Variants in ZFHX3 observed in about 807,000 individuals in gnomAD.
ZFHX3 encodes zinc finger homeobox protein 3.
ZFHX3 carries 42 observed loss-of-function variants against 279.1 expected under a neutral mutation model. The ratio of observed to expected loss-of-function variants is 0.15; its 90% CI spans 0.12 to 0.19. ZFHX3 has a LOEUF of 0.19. ZFHX3 is among the 10% of genes least tolerant of loss of function. The pLI is 1.00. For synonymous variants in ZFHX3, 2,293 were observed against 1,957.8 expected (o/e 1.17, Z -4.52); for missense variants, 4,981 against 4,754.0 (o/e 1.05, Z -1.40).
chr16:73,460,399 G>T (rs892731622), intron 2 of ZFHX3, among the ~76,000 whole-genome samples: 1 of 151,948 alleles, frequency 6.6e-6, no homozygotes, highest in Admixed American at 6.6e-5. Flanking sequence ...TTCTAGTTTG[G>T]GGCTATTACA....
chr16:73,730,606 T>C lies in ZFHX3; in HGVS notation c.-1607-50366A>G, dbSNP rs186041911. Among the ~76,000 whole-genome samples the C allele has an allele frequency of 3.3e-4, 50 of 152,268 alleles. 1 individual carries two copies. In the East Asian group the frequency reaches 9.1e-3, roughly 28 times the overall value. On this transcript the variant is annotated intron_variant, in intron 1 of 17. Transcript: ENST00000641206. Reference sequence around the variant, plus strand: ...CTATCTTGGAGAGTTGGCATCAGGCTTCTAATTGTACTCTTCCCAAGAGGC... The same window carrying C: ...CTATCTTGGAGAGTTGGCATCAGGCCTCTAATTGTACTCTTCCCAAGAGGC...
At chr16:73,766,130 C>T (rs546703598) in intron 1 of ZFHX3, among the ~76,000 whole-genome samples, 34 of 152,216 alleles carry the variant, frequency 2.2e-4, no homozygotes, top group South Asian at 1.5e-3. Context: ...AAATCCGTTA[C>T]GGAAAAAGCA....
At chr16:73,890,259 A>AC (rs1332190720) in intron 1 of ZFHX3, among the ~76,000 whole-genome samples, 16 of 147,778 alleles carry the variant, frequency 1.1e-4, no homozygotes, top group Admixed American at 6.7e-5. Context: ...AAAAAACAAC[A>AC]AAAAAAAACC....
At chr16:73,534,753 C>A (rs2019864541) in intron 2 of ZFHX3, among the ~76,000 whole-genome samples, 1 of 152,120 alleles carries the variant, frequency 6.6e-6, no homozygotes, top group South Asian at 2.1e-4. Context: ...GTCACAGTTG[C>A]CAAATTGTGT....
intron 3 of ZFHX3, among the ~76,000 whole-genome samples, chr16:72,941,131 C>G (rs973086539): frequency 4.6e-5 from 7 of 152,202 alleles, no homozygotes; most frequent in Non-Finnish European, 8.8e-5. Context: ...CTGATGTCCA[C>G]TGTGTGACGC....
chr16:72,945,934 A>G (rs1960651232), intron 3 of ZFHX3, among the ~76,000 whole-genome samples: 1 of 152,138 alleles, frequency 6.6e-6, no homozygotes, highest in South Asian at 2.1e-4. Context: ...ACACCCACAG[A>G]GGAGCACCAA....
intron 5 of ZFHX3, among the ~76,000 whole-genome samples, chr16:73,256,149 G>T (rs1463358381): frequency 2.0e-5 from 3 of 152,196 alleles, no homozygotes; most frequent in Non-Finnish European, 2.9e-5. Context: ...CCATTCTTCA[G>T]TGGTCACTTC....
At chr16:73,045,810 G>GGA (rs949649815) in intron 1 of ZFHX3, among the ~76,000 whole-genome samples, 2 of 148,456 alleles carry the variant, frequency 1.3e-5, no homozygotes, top group African/African-American at 4.9e-5. Flanking sequence ...AAAAGTGGGG[G>GGA]GGGGTTGTTG....
chr16:73,697,679 G>C (rs1011747982), intron 1 of ZFHX3, among the ~76,000 whole-genome samples: 3 of 151,860 alleles, frequency 2.0e-5, no homozygotes, highest in Admixed American at 6.6e-5. Context: ...CTAAATTCCA[G>C]TTTTAAAATA....
intron 2 of ZFHX3, among the ~76,000 whole-genome samples, chr16:73,471,383 A>T (rs2018663527): frequency 6.6e-6 from 1 of 152,008 alleles, no homozygotes; most frequent in Non-Finnish European, 1.5e-5. Flanking sequence ...GCATGTAACC[A>T]ATCTAGTTTG....
intron 2 of ZFHX3, among the ~76,000 whole-genome samples, chr16:73,663,666 A>T (rs1567545740): frequency 6.6e-6 from 1 of 152,224 alleles, no homozygotes; most frequent in Non-Finnish European, 1.5e-5. Flanking sequence ...TGTGTCTGGG[A>T]CAAAGGAGAT....
chr16:72,961,884 T>TAAACCAAACC (rs57537362), intron 1 of ZFHX3, among the ~76,000 whole-genome samples: 46 of 149,858 alleles, frequency 3.1e-4, no homozygotes, highest in African/African-American at 9.4e-4. Flanking sequence ...ATGACTACAG[T>TAAACCAAACC]AAACCAAACC....
rs10616305 is a variant in ZFHX3 at position 73,177,173 on chromosome 16, G to GCCAA, written c.-1103-33346_-1103-33343dup. ...CGTCTCAAAACCAACCAACCAACCA[G>GCCAA]CCAACCAACCAACCAACCAACCAAA... On this transcript the variant is annotated intron_variant, in intron 5 of 17. Transcript: ENST00000641206. Among the ~76,000 whole-genome samples, 72 of 151,772 alleles carry GCCAA rather than the reference G, an allele frequency of 4.7e-4. 1 individual carries two copies. In the East Asian group the frequency reaches 6.4e-3, roughly 14 times the overall value.
intron 4 of ZFHX3, among the ~76,000 whole-genome samples, chr16:73,311,942 G>C (rs1053211774): frequency 6.6e-6 from 1 of 152,174 alleles, no homozygotes; most frequent in Admixed American, 6.5e-5. Context: ...AACTGATGAG[G>C]TTGCTGAAAG....
chr16:73,465,624 G>T (rs2018555481), intron 2 of ZFHX3, among the ~76,000 whole-genome samples: 1 of 152,144 alleles, frequency 6.6e-6, no homozygotes, highest in Non-Finnish European at 1.5e-5. Context: ...GCCTAGTCCT[G>T]CACCCCAGGT....
At chr16:73,757,944 A>G (rs1443182613) in intron 1 of ZFHX3, among the ~76,000 whole-genome samples, 1 of 152,232 alleles carries the variant, frequency 6.6e-6, no homozygotes, top group African/African-American at 2.4e-5. Context: ...ACTTTAAAAC[A>G]CAGAAATTAT....
intron 4 of ZFHX3, among the ~76,000 whole-genome samples, chr16:72,845,432 C>T (rs929619094): frequency 1.3e-5 from 2 of 152,206 alleles, no homozygotes; most frequent in Non-Finnish European, 2.9e-5. Context: ...TCATCGCATG[C>T]ACAGGGACAT....
At chr16:73,265,962 A>G (rs1431489610) in intron 4 of ZFHX3, among the ~76,000 whole-genome samples, 1 of 152,224 alleles carries the variant, frequency 6.6e-6, no homozygotes, top group African/African-American at 2.4e-5. Flanking sequence ...TTCCAGCAGG[A>G]ATTTCCCAAA....
chr16:73,544,069 A>T (rs912785317), intron 2 of ZFHX3: 1 of 152,264 alleles, frequency 6.6e-6, no homozygotes, highest in Non-Finnish European at 1.5e-5. Context: ...CTAATGAAGC[A>T]TCGATCGACT....
Sources: gnomAD v4.1 joint callset for allele counts (sites outside exome capture counted in the v4.1 genomes callset) on GRCh38, gnomAD v4.1.1 for gene constraint, MANE v1.5 for transcripts, NCBI Gene and HGNC (gene_info 2026-07-23, HGNC 2026-07-21) for gene names.